CDH18: variants seen among roughly 807,000 people sequenced by gnomAD.
CDH18 encodes the protein cadherin-18.
A neutral mutation model predicts 67.9 loss-of-function variants in CDH18; 31 were observed. The ratio of observed to expected loss-of-function variants is 0.46; its 90% CI spans 0.34 to 0.62. CDH18 has a LOEUF of 0.62. Ranked by LOEUF, CDH18 falls within the 20% of genes least tolerant of loss-of-function variation. CDH18 has a pLI of 0.01. For synonymous variants in CDH18, 362 were observed against 347.2 expected (o/e 1.04, Z -0.48); for missense variants, 890 against 975.5 (o/e 0.91, Z 1.17).
intron 2 of CDH18, among the ~76,000 whole-genome samples, chr5:19,960,558 T>C (rs1796693562): frequency 1.1e-5 from 1 of 90,454 alleles, no homozygotes; most frequent in Admixed American, 1.3e-4. Context: ...TGTGTGTGTG[T>C]GTATGTGTGT....
At chr5:19,847,573 TC>T (rs1783139839) in intron 2 of CDH18, among the ~76,000 whole-genome samples, 1 of 152,094 alleles carries the variant, frequency 6.6e-6, no homozygotes, top group Non-Finnish European at 1.5e-5. Flanking sequence ...TTCATATACT[TC>T]CATTTTTAGG....
chr5:20,320,679 G>A (rs1191483265), intron 1 of CDH18, among the ~76,000 whole-genome samples: 1 of 152,144 alleles, frequency 6.6e-6, no homozygotes, highest in African/African-American at 2.4e-5. Context: ...GAAGTTTGCT[G>A]TATAGCAAAG....
chr5:19,653,944 T>G (rs1271450575), intron 5 of CDH18, among the ~76,000 whole-genome samples: 1 of 152,186 alleles, frequency 6.6e-6, no homozygotes, highest in Non-Finnish European at 1.5e-5. Context: ...TATCACATTT[T>G]CAAGCATAAT....
intron 2 of CDH18, among the ~76,000 whole-genome samples, chr5:19,902,674 G>C (rs1790072954): frequency 6.6e-6 from 1 of 152,210 alleles, no homozygotes; most frequent in Non-Finnish European, 1.5e-5. Flanking sequence ...AAAGGTGTGA[G>C]ATAACCATTA....
Position 19,839,067 on chromosome 5 carries a change from C to G in CDH18, c.-81G>C. ...GCTTAGTGAGCATTCAAGAGAGAAG[C>G]CAGAGCATCTTTAGGAAGGACAGTC... On this transcript the variant is annotated 5_prime_UTR_variant, in exon 3 of 13. Transcript: ENST00000382275. 9.3e-7 allele frequency: 1 copy of G among 1,079,320 alleles called. No individual in the cohort carries two copies. The highest frequency in any genetic ancestry group is 1.4e-6 in the Non-Finnish European group (1 of 708,694). The allele number at this position is 1,079,320 out of a possible 1,614,324, so 66.9% of individuals were successfully genotyped here.
chr5:19,892,684 C>T (rs1300447025), intron 2 of CDH18, among the ~76,000 whole-genome samples: 1 of 151,952 alleles, frequency 6.6e-6, no homozygotes, highest in Non-Finnish European at 1.5e-5. Flanking sequence ...CTGTGGAAAG[C>T]CAGTTATCAG....
chr5:20,147,335 G>C (rs568430259), intron 2 of CDH18, among the ~76,000 whole-genome samples: 36 of 152,048 alleles, frequency 2.4e-4, no homozygotes, highest in Non-Finnish European at 5.1e-4. Context: ...CCAAGGCTTT[G>C]CAACAGTTAT....
intron 2 of CDH18, among the ~76,000 whole-genome samples, chr5:20,028,625 T>C (rs1739121812): frequency 6.6e-6 from 1 of 152,152 alleles, no homozygotes; most frequent in Non-Finnish European, 1.5e-5. Flanking sequence ...AGATAGTTCC[T>C]AAAGCCACTT....
chr5:20,114,842 A>G (rs2126369576), intron 2 of CDH18, among the ~76,000 whole-genome samples: 1 of 152,228 alleles, frequency 6.6e-6, no homozygotes, highest in South Asian at 2.1e-4. Context: ...TCACTTTAAG[A>G]TGTGCAAGAA....
intron 8 of CDH18, among the ~76,000 whole-genome samples, chr5:19,555,631 G>A (rs1738266634): frequency 6.6e-6 from 1 of 152,178 alleles, no homozygotes; most frequent in African/African-American, 2.4e-5. Flanking sequence ...ACCTGCCAAA[G>A]TCTGAGCTCA....
chr5:20,408,793 C>A (rs1209418363), intron 1 of CDH18, among the ~76,000 whole-genome samples: 1 of 151,556 alleles, frequency 6.6e-6, no homozygotes, highest in East Asian at 1.9e-4. Flanking sequence ...ACATATGGAA[C>A]AGACCAATAA....
At chr5:19,953,022 T>C (rs1034779777) in intron 2 of CDH18, among the ~76,000 whole-genome samples, 2 of 152,104 alleles carry the variant, frequency 1.3e-5, no homozygotes, top group Admixed American at 6.6e-5. Flanking sequence ...TGGAAAGCAA[T>C]TACTTGGGTG....
At chr5:19,515,950 GT>G (rs1745915169) in intron 10 of CDH18, among the ~76,000 whole-genome samples, 1 of 152,108 alleles carries the variant, frequency 6.6e-6, no homozygotes, top group South Asian at 2.1e-4. Context: ...AATACTTCTA[GT>G]TTTTGCCCAT....
At chr5:19,684,230 C>T (rs1429444684) in intron 5 of CDH18, among the ~76,000 whole-genome samples, 4 of 151,984 alleles carry the variant, frequency 2.6e-5, no homozygotes, top group Non-Finnish European at 5.9e-5. Flanking sequence ...ATATAAGCTG[C>T]ATTTCACACA....
chr5:19,829,259 A>G (rs919536155), intron 3 of CDH18, among the ~76,000 whole-genome samples: 2 of 152,132 alleles, frequency 1.3e-5, no homozygotes, highest in Non-Finnish European at 2.9e-5. Flanking sequence ...ATAGAAAGAG[A>G]GGAAGTCAAA....
chr5:20,246,575 T>C (rs1687870627), intron 2 of CDH18, among the ~76,000 whole-genome samples: 1 of 142,380 alleles, frequency 7.0e-6, no homozygotes, highest in African/African-American at 2.7e-5. Context: ...ATGCAGGAAG[T>C]AAAAATGCAA....
chr5:19,656,796 G>T (rs568472139), intron 5 of CDH18, among the ~76,000 whole-genome samples: 1 of 152,002 alleles, frequency 6.6e-6, no homozygotes, highest in Non-Finnish European at 1.5e-5. Flanking sequence ...GGTGCCCAGT[G>T]CTAGGTTAAA....
chr5:20,203,581 AAGAGAG>A (rs57913549), intron 2 of CDH18, among the ~76,000 whole-genome samples: 1 of 145,494 alleles, frequency 6.9e-6, no homozygotes, highest in Non-Finnish European at 1.5e-5. Flanking sequence ...GTGGAGGGAA[AAGAGAG>A]AGAGAGAGAG....
In CDH18 at chr5:19,641,085, C is replaced by A. The variant is rs139164638; in HGVS notation, c.644-28484G>T. On this transcript the variant is annotated intron_variant, in intron 5 of 12. Transcript: ENST00000382275. Reference sequence around the variant, plus strand: ...ATTATAGGCCAGCAAACTGGATAATCCAGAAGAAATGAAAAAATTTCTAGA... The same window carrying A: ...ATTATAGGCCAGCAAACTGGATAATACAGAAGAAATGAAAAAATTTCTAGA... 3.4e-3 allele frequency among the ~76,000 whole-genome samples: 511 copies of A among 149,960 alleles called. 1 individual carries two copies. Among genetic ancestry groups the A allele is most frequent in the African/African-American group, 0.012 (492 of 40,772 alleles).
Sources: allele counts gnomAD v4.1 joint callset (sites outside exome capture counted in the v4.1 genomes callset), GRCh38; gene constraint gnomAD v4.1.1; transcripts MANE v1.5; gene names NCBI Gene and HGNC (gene_info 2026-07-23, HGNC 2026-07-21).